Variants in ACLY observed in about 807,000 individuals in gnomAD.
ACLY encodes ATP citrate lyase.
ACLY carries 41 observed loss-of-function variants against 133.0 expected under a neutral mutation model. The observed-to-expected ratio is 0.31, with a 90% CI of 0.24 to 0.40. The LOEUF (loss-of-function observed/expected upper bound fraction) is 0.40. Ranked by LOEUF, ACLY falls within the 10% of genes least tolerant of loss-of-function variation. ACLY has a pLI of 1.00. For missense variants in ACLY, 1,046 were observed against 1,453.8 expected (o/e 0.72, Z 4.56); for synonymous variants, 495 against 549.3 (o/e 0.90, Z 1.38).
At chr17:41,882,429 G>A (rs2048943308) in intron 20 of ACLY, among the ~76,000 whole-genome samples, 1 of 130,178 alleles carries the variant, frequency 7.7e-6, no homozygotes, top group Non-Finnish European at 1.6e-5. Context: ...TAATGATACT[G>A]CAGAGTATTC....
chr17:41,904,666 G>T, intron 10 of ACLY, 63 bp downstream of exon 10: 1 of 1,499,118 alleles, frequency 6.7e-7, no homozygotes, highest in Non-Finnish European at 9.2e-7. Flanking sequence ...TGCTTTCAAG[G>T]CCCCTTCCCT....
chr17:41,887,158 G>C (rs2049074022), intron 17 of ACLY, among the ~76,000 whole-genome samples: 1 of 116,670 alleles, frequency 8.6e-6, no homozygotes, highest in African/African-American at 3.2e-5. Flanking sequence ...AAAAAAAAAG[G>C]CCAAACACGG....
chr17:41,918,495 G>C (rs1555634875), intron 1 of ACLY, among the ~76,000 whole-genome samples: 1 of 152,242 alleles, frequency 6.6e-6, no homozygotes, highest in East Asian at 1.9e-4. Context: ...GCATCCGATG[G>C]GGGAACCCGG....
Position 41,909,099 on chromosome 17 carries a change from A to T in ACLY, c.537-31T>A. The T allele has an allele frequency of 1.9e-6, 3 of 1,570,504 alleles. No individual in the cohort carries two copies. The South Asian group carries it at 3.4e-5, about 18-fold the overall frequency. On this transcript the variant is annotated intron_variant, in intron 5 of 28. Coordinates refer to ENST00000352035, the MANE Select transcript of ACLY (RefSeq NM_001096.3). ...GGTGGGAGGGAGAGAGGGACAGTTC[A>T]TCCATCAGGGAGCAGCTCGGCAGCA... is the stretch of plus-strand genomic sequence containing the variant.
rs868928688 is a variant in ACLY, at chr17:41,871,826, G to T, written c.2800C>A (p.Arg934=). The part of the protein sequence containing the change: ...LTSGLLTIGD[R]FGGALDAAAK... Reference sequence around the variant, plus strand: ...GCTGCATCCAAGGCACCCCCAAACCGATCCCCCTGGAGGAGAAACAAGTGC... The same window carrying T: ...GCTGCATCCAAGGCACCCCCAAACCTATCCCCCTGGAGGAGAAACAAGTGC... Residue 934 remains arginine (R), a synonymous_variant, in exon 25 of 29, where the codon CGG becomes AGG. Coordinates refer to ENST00000352035, the MANE Select transcript of ACLY (RefSeq NM_001096.3). The T allele has an allele frequency of 3.1e-6, 5 of 1,613,552 alleles. No individual in the cohort carries two copies. Among genetic ancestry groups the T allele is most frequent in the Non-Finnish European group, 4.2e-6 (5 of 1,180,000 alleles).
intron 15 of ACLY, 121 bp downstream of exon 15, chr17:41,892,912 C>T: frequency 7.8e-7 from 1 of 1,285,610 alleles, no homozygotes; most frequent in African/African-American, 1.5e-5. Flanking sequence ...CTCCTGGGCT[C>T]AAGCAGTTCT....
intron 13 of ACLY, 84 bp from the exon 14 acceptor site, chr17:41,896,733 T>A (rs1236112050): frequency 6.9e-6 from 9 of 1,307,434 alleles, no homozygotes; most frequent in Admixed American, 2.4e-5. Context: ...CAGGGAAGGG[T>A]CCCATGGACA....
intron 20 of ACLY, among the ~76,000 whole-genome samples, chr17:41,879,589 G>C (rs1352497782): frequency 8.3e-5 from 10 of 120,914 alleles, no homozygotes; most frequent in African/African-American, 2.8e-4. Flanking sequence ...TGAGGTTGCA[G>C]TGAGCCAAGA....
intron 25 of ACLY, among the ~76,000 whole-genome samples, chr17:41,870,921 C>T (rs189283427): frequency 0.047 from 7,215 of 152,270 alleles, 198 homozygotes; most frequent in East Asian, 0.11. Flanking sequence ...GCTGTTCTTT[C>T]GGCACAGATG....
intron 28 of ACLY, 107 bp downstream of exon 28, chr17:41,868,600 TAA>T (rs372744524): frequency 6.2e-4 from 320 of 515,802 alleles, no homozygotes; most frequent in Middle Eastern, 1.0e-3. Context: ...AAAAGAAAAT[TAA>T]AAAAAAAAAA....
upstream of ACLY, among the ~76,000 whole-genome samples, chr17:41,921,353 G>A (rs1555635396): frequency 6.6e-6 from 1 of 151,416 alleles, no homozygotes; most frequent in Non-Finnish European, 1.5e-5. Context: ...GCATGGTGGT[G>A]CACACCTGTA....
At chr17:41,909,418 G>T in intron 5 of ACLY, 92 bp downstream of exon 5, 1 of 1,418,598 alleles carries the variant, frequency 7.0e-7, no homozygotes. Context: ...GGCTCCCAGA[G>T]AGGAGACCGC....
chr17:41,926,605 C>T (rs2050246493), intron 1 of ACLY, among the ~76,000 whole-genome samples: 1 of 151,966 alleles, frequency 6.6e-6, no homozygotes, highest in Non-Finnish European at 1.5e-5. Flanking sequence ...TCTCGTGCCT[C>T]AGCCTCCCGA....
At chr17:41,889,546 A>AAAAAAAAAAAAAAAAAAC (rs2049148326) in intron 16 of ACLY, among the ~76,000 whole-genome samples, 1 of 148,914 alleles carries the variant, frequency 6.7e-6, no homozygotes, top group Non-Finnish European at 1.5e-5. Context: ...AAAAAAAAAA[A>AAAAAAAAAAAAAAAAAAC]AAAAAAAAAA....
rs782160563 is a variant in ACLY, at chr17:41,883,208, T to C, written c.2179A>G (p.Ile727Val). Residue 727 changes from isoleucine to valine, a missense_variant, in exon 20 of 29, where the codon ATT (isoleucine) becomes GTT (valine). Physicochemically the swap from Ile to Val is conservative, Grantham distance 29. Coordinates refer to ENST00000352035, the MANE Select transcript of ACLY (RefSeq NM_001096.3). ...CGGCCCTCCTTGATGCCCCGGCAAA[T>C]CTTATATTCCTCAGTGCCCCCAATC... is the stretch of plus-strand genomic sequence containing the variant. ...GEIGGTEEYK[I>V]CRGIKEGRLT... is the part of the protein sequence containing the mutation. 36 of 1,613,788 alleles carry C rather than the reference T, an allele frequency of 2.2e-5. No individual in the cohort carries two copies. The Admixed American group carries it at 6.0e-4, about 27-fold the overall frequency.
At chr17:41,890,579 T>C (rs2049179288) in intron 16 of ACLY, among the ~76,000 whole-genome samples, 1 of 151,510 alleles carries the variant, frequency 6.6e-6, no homozygotes, top group Admixed American at 6.6e-5. Context: ...TCCCAGCTAC[T>C]TGGGAGGCTG....
Position 41,911,951 on chromosome 17 carries a change from C to T in ACLY, c.282+469G>A, listed in dbSNP as rs550615001. On this transcript the variant is annotated intron_variant, in intron 3 of 28. Coordinates refer to ENST00000352035, the MANE Select transcript of ACLY (RefSeq NM_001096.3). ...CCAACATGGAGAAACCTCGTCTCTA[C>T]TAAAAATACAAAATTAGCCAAGTAT... 2.7e-4 allele frequency among the ~76,000 whole-genome samples: 41 copies of T among 152,174 alleles called. No individual in the cohort carries two copies. In the Middle Eastern group the frequency reaches 0.01, roughly 38 times the overall value.
At chr17:41,871,230 G>T (rs1364625343) in intron 25 of ACLY, among the ~76,000 whole-genome samples, 1 of 152,170 alleles carries the variant, frequency 6.6e-6, no homozygotes, top group Non-Finnish European at 1.5e-5. Flanking sequence ...AAAAATAGCT[G>T]CTTTGTATTT....
In ACLY at chr17:41,909,448, G is replaced by A. The variant is rs374705813; in HGVS notation, c.536+62C>T. 218 of 1,562,450 alleles carry A rather than the reference G, an allele frequency of 1.4e-4. No homozygotes were observed. In the East Asian group the frequency reaches 2.8e-3, roughly 20 times the overall value. On this transcript the variant is annotated intron_variant, in intron 5 of 28. Transcript: ENST00000352035. The stretch of plus-strand genomic sequence containing the variant: ...GACCGCTCTGCTCTCCCCAGTCTGT[G>A]CCCAGAGCCTGTCGGTCTTCTCATC...
Sources: gnomAD v4.1 joint callset for allele counts (sites outside exome capture counted in the v4.1 genomes callset) on GRCh38, gnomAD v4.1.1 for gene constraint, MANE v1.5 for transcripts, NCBI Gene and HGNC (gene_info 2026-07-23, HGNC 2026-07-21) for gene names.